Variants in TRPM3 observed in about 807,000 individuals in gnomAD.
The protein encoded by TRPM3 is transient receptor potential cation channel subfamily M member 3, also known as long transient receptor potential channel 3.
In TRPM3, 77 loss-of-function variants were observed where a neutral mutation model predicts 181.2. The ratio of observed to expected loss-of-function variants is 0.42; its 90% CI spans 0.35 to 0.51. TRPM3 has a LOEUF of 0.51. Among genes scored for constraint, TRPM3 ranks in the 20% least tolerant of loss-of-function variants. The probability of loss-of-function intolerance (pLI) is 0.01; values close to 1 mark genes in which losing one functional copy is unlikely to be tolerated. For synonymous variants in TRPM3, 745 were observed against 796.4 expected (o/e 0.94, Z 1.09); for missense variants, 1,759 against 2,196.7 (o/e 0.80, Z 3.98).
chr9:71,405,305 T>C (rs1259157090), intron 1 of TRPM3, among the ~76,000 whole-genome samples: 1 of 152,208 alleles, frequency 6.6e-6, no homozygotes, highest in African/African-American at 2.4e-5. Context: ...TGCACAAATT[T>C]TTTTTAAAAA....
intron 1 of TRPM3, among the ~76,000 whole-genome samples, chr9:71,337,368 A>G (rs1480240578): frequency 6.6e-6 from 1 of 152,256 alleles, no homozygotes; most frequent in African/African-American, 2.4e-5. Context: ...AATCAAAACC[A>G]CAATGAGATA....
At chr9:71,171,564 T>C (rs1289821877) in intron 1 of TRPM3, among the ~76,000 whole-genome samples, 1 of 152,202 alleles carries the variant, frequency 6.6e-6, no homozygotes, top group Non-Finnish European at 1.5e-5. Flanking sequence ...AAACTTTTAC[T>C]ATGTACTGAG....
chr9:71,095,895 G>A (rs937333675), intron 1 of TRPM3, among the ~76,000 whole-genome samples: 3 of 151,798 alleles, frequency 2.0e-5, no homozygotes, highest in Non-Finnish European at 4.4e-5. Flanking sequence ...ATAGCTACCA[G>A]AGACAGAGTG....
chr9:71,417,978 T>C (rs1261907477), intron 1 of TRPM3, among the ~76,000 whole-genome samples: 1 of 151,962 alleles, frequency 6.6e-6, no homozygotes, highest in Non-Finnish European at 1.5e-5. Flanking sequence ...TAAAAACCTT[T>C]CTTTGGTGAG....
chr9:71,193,038 T>C (rs1034827685), intron 1 of TRPM3, among the ~76,000 whole-genome samples: 1 of 151,894 alleles, frequency 6.6e-6, no homozygotes, highest in African/African-American at 2.4e-5. Context: ...TAGCTTTAAA[T>C]TATCTTTAAG....
chr9:70,774,681 A>G (rs1431377552), intron 7 of TRPM3: 1 of 152,196 alleles, frequency 6.6e-6, no homozygotes, highest in Non-Finnish European at 1.5e-5. Flanking sequence ...TCTCCAAGAC[A>G]CTGAATCATG....
intron 1 of TRPM3, among the ~76,000 whole-genome samples, chr9:70,866,964 G>A (rs2132488337): frequency 6.6e-6 from 1 of 152,066 alleles, no homozygotes; most frequent in South Asian, 2.1e-4. Flanking sequence ...CTGCTAAATT[G>A]CCATTAAAAC....
intron 5 of TRPM3, among the ~76,000 whole-genome samples, chr9:70,841,635 T>C (rs1228666737): frequency 1.2e-5 from 1 of 83,562 alleles, no homozygotes; most frequent in African/African-American, 5.6e-5. Context: ...TATATATATA[T>C]ATATATATAT....
At chr9:70,783,504 G>A (rs2082918831) in intron 7 of TRPM3, among the ~76,000 whole-genome samples, 1 of 152,106 alleles carries the variant, frequency 6.6e-6, no homozygotes, top group South Asian at 2.1e-4. Flanking sequence ...GGGGCTTTGG[G>A]CTGTTGAAAG....
intron 1 of TRPM3, among the ~76,000 whole-genome samples, chr9:70,935,167 A>C (rs1320909802): frequency 1.3e-5 from 2 of 151,906 alleles, no homozygotes; most frequent in African/African-American, 4.8e-5. Context: ...GGACTTCCCC[A>C]CTTCTCTGGG....
chr9:70,602,555 C>T (rs1277478812), intron 20 of TRPM3, among the ~76,000 whole-genome samples: 1 of 152,190 alleles, frequency 6.6e-6, no homozygotes, highest in Admixed American at 6.5e-5. Context: ...GCAGAGAAAT[C>T]AGCACTACCT....
rs1168416247 is a variant in TRPM3, at chr9:70,679,869, AT to A, written c.1345+1636del. Among the ~76,000 whole-genome samples, 7 of 152,174 alleles carry A rather than the reference AT, an allele frequency of 4.6e-5. No homozygotes were observed. The South Asian group carries it at 1.0e-3, about 23-fold the overall frequency. ...ATAGGGTAACTTGCCTCAAATTTTT[AT>A]TTTTGTCTCTGATAAGGGGAGAGTG... On this transcript the variant is annotated intron_variant, in intron 9 of 25. Coordinates refer to ENST00000677713, the MANE Select transcript of TRPM3 (RefSeq NM_001366145.2).
intron 6 of TRPM3, among the ~76,000 whole-genome samples, chr9:70,798,514 T>C (rs2087872321): frequency 1.3e-5 from 2 of 152,182 alleles, no homozygotes; most frequent in Non-Finnish European, 1.5e-5. Flanking sequence ...CTTTTGGTGA[T>C]TATTGTATTC....
At chr9:71,130,073 T>C (rs1161914833) in intron 1 of TRPM3, among the ~76,000 whole-genome samples, 1 of 152,204 alleles carries the variant, frequency 6.6e-6, no homozygotes, top group Non-Finnish European at 1.5e-5. Flanking sequence ...TACAAACTCA[T>C]GTAATTATCA....
intron 1 of TRPM3, among the ~76,000 whole-genome samples, chr9:71,329,311 G>T (rs757499588): frequency 2.6e-5 from 4 of 152,146 alleles, no homozygotes; most frequent in Admixed American, 1.3e-4. Context: ...ATAATTTTCT[G>T]TTTTGTACAG....
intron 1 of TRPM3, among the ~76,000 whole-genome samples, chr9:71,429,608 T>C (rs1285679483): frequency 6.6e-6 from 1 of 152,190 alleles, no homozygotes; most frequent in Non-Finnish European, 1.5e-5. Context: ...AACTACATCA[T>C]CCTGCTTTCA....
chr9:71,068,412 G>T (rs576318181), intron 1 of TRPM3, among the ~76,000 whole-genome samples: 44 of 152,286 alleles, frequency 2.9e-4, no homozygotes, highest in Non-Finnish European at 5.1e-4. Context: ...CACAGCCAGG[G>T]TGCCAAATGC....
intron 1 of TRPM3, among the ~76,000 whole-genome samples, chr9:71,279,394 A>G (rs780564998): frequency 2.0e-5 from 3 of 152,256 alleles, no homozygotes; most frequent in Non-Finnish European, 4.4e-5. Flanking sequence ...GTGTAGTTAA[A>G]TATTTGTCCA....
chr9:71,179,287 C>T (rs2077267954), intron 1 of TRPM3, among the ~76,000 whole-genome samples: 1 of 151,956 alleles, frequency 6.6e-6, no homozygotes, highest in Non-Finnish European at 1.5e-5. Context: ...TGGCACCAGT[C>T]GATTATTAAA....
Sources: gnomAD v4.1 joint callset for allele counts (sites outside exome capture counted in the v4.1 genomes callset) on GRCh38, gnomAD v4.1.1 for gene constraint, MANE v1.5 for transcripts, NCBI Gene and HGNC (gene_info 2026-07-23, HGNC 2026-07-21) for gene names.